Variants in ADGRB3 observed in about 807,000 individuals in gnomAD.
The protein encoded by ADGRB3 is brain-specific angiogenesis inhibitor 3.
In ADGRB3, 37 loss-of-function variants were observed where a neutral mutation model predicts 193.4. The observed-to-expected ratio is 0.19, with a 90% CI of 0.15 to 0.25. The LOEUF (loss-of-function observed/expected upper bound fraction) is 0.25, where lower values mean the gene tolerates loss of function less well. Among genes scored for constraint, ADGRB3 ranks in the 10% least tolerant of loss-of-function variants. The pLI is 1.00. For missense variants in ADGRB3, 1,637 were observed against 1,852.9 expected (o/e 0.88, Z 2.14); for synonymous variants, 690 against 644.2 (o/e 1.07, Z -1.08).
At chr6:69,137,834 A>T (rs756033163) in intron 17 of ADGRB3, among the ~76,000 whole-genome samples, 1 of 152,178 alleles carries the variant, frequency 6.6e-6, no homozygotes, top group Non-Finnish European at 1.5e-5. Context: ...TTAAAGGTGT[A>T]CGATGCCTAA....
chr6:68,751,284 A>ATT (rs1422258998), intron 3 of ADGRB3, among the ~76,000 whole-genome samples: 1 of 152,106 alleles, frequency 6.6e-6, no homozygotes, highest in Non-Finnish European at 1.5e-5. Context: ...TCATGGGCCA[A>ATT]TTTATCCCTC....
In ADGRB3 at chr6:69,181,694, G is replaced by C. The variant is rs1436991814; in HGVS notation, c.2481-51596G>C. ...ATGTTGTCTTCTTAAGCTTTGCTTC[G>C]TCAATGATTACTATCTGCAAAAACA... On this transcript the variant is annotated intron_variant, in intron 17 of 31. Transcript: ENST00000370598. 2.0e-5 allele frequency among the ~76,000 whole-genome samples: 3 copies of C among 152,034 alleles called. 1 individual carries two copies. The South Asian group carries it at 6.2e-4, about 32-fold the overall frequency.
chr6:68,956,751 G>A lies in ADGRB3; in HGVS notation c.1467G>A (p.Gly489=). 6.2e-7 allele frequency: 1 copy of A among 1,614,064 alleles called. No individual in the cohort carries two copies. The highest frequency in any genetic ancestry group is 8.5e-7 in the Non-Finnish European group (1 of 1,179,986). ...CCTGTCAGGGTGCAGTGATAACAGG[G>A]CAGCAATGTGAAGGAACGGGCGAAG... ...IRTCQGAVIT[G]QQCEGTGEEV... The change falls in exon 8 of 32, where the codon GGG becomes GGA. Residue 489 remains glycine (G), a synonymous_variant. Transcript: ENST00000370598.
At chr6:68,740,410 T>C (rs1263096481) in intron 3 of ADGRB3, among the ~76,000 whole-genome samples, 1 of 152,158 alleles carries the variant, frequency 6.6e-6, no homozygotes, top group African/African-American at 2.4e-5. Flanking sequence ...AAAGAAAATG[T>C]GATAAATAGG....
At chr6:69,063,597 G>T (rs1219564552) in intron 16 of ADGRB3, among the ~76,000 whole-genome samples, 4 of 152,012 alleles carry the variant, frequency 2.6e-5, no homozygotes, top group African/African-American at 7.2e-5. Context: ...GAGGAAGGGG[G>T]TGCTGGGTGG....
intron 3 of ADGRB3, among the ~76,000 whole-genome samples, chr6:68,871,531 T>C (rs963591277): frequency 3.3e-5 from 5 of 152,144 alleles, no homozygotes; most frequent in African/African-American, 9.7e-5. Flanking sequence ...ATTTATAGCA[T>C]GTTTTTCTTG....
chr6:68,738,617 G>T (rs1582161107), intron 3 of ADGRB3, among the ~76,000 whole-genome samples: 1 of 152,104 alleles, frequency 6.6e-6, no homozygotes, highest in East Asian at 1.9e-4. Flanking sequence ...ATTTCCTAAA[G>T]TATAAAATAT....
intron 3 of ADGRB3, among the ~76,000 whole-genome samples, chr6:68,855,240 C>T (rs571556615): frequency 6.6e-6 from 1 of 152,256 alleles, no homozygotes; most frequent in Admixed American, 6.5e-5. Flanking sequence ...TTTCCCAGGC[C>T]TTTTAAAGAC....
intron 26 of ADGRB3, among the ~76,000 whole-genome samples, chr6:69,347,361 A>G (rs1769121179): frequency 6.6e-6 from 1 of 152,222 alleles, no homozygotes; most frequent in African/African-American, 2.4e-5. Context: ...TATAATAATA[A>G]TAAATAAAAG....
intron 17 of ADGRB3, among the ~76,000 whole-genome samples, chr6:69,205,513 C>T (rs1292248816): frequency 6.6e-6 from 1 of 151,928 alleles, no homozygotes; most frequent in Non-Finnish European, 1.5e-5. Flanking sequence ...CATCAGAATA[C>T]CACAGACTGG....
chr6:69,021,135 A>T (rs932616970), intron 13 of ADGRB3, among the ~76,000 whole-genome samples: 1 of 151,892 alleles, frequency 6.6e-6, no homozygotes, highest in East Asian at 1.9e-4. Context: ...ACAGGCATGC[A>T]CTCAGCATGT....
intron 8 of ADGRB3, among the ~76,000 whole-genome samples, chr6:68,964,809 G>T (rs1025497126): frequency 6.6e-6 from 1 of 152,146 alleles, no homozygotes; most frequent in Non-Finnish European, 1.5e-5. Context: ...TATACCATTT[G>T]CTAATAAATT....
intron 20 of ADGRB3, among the ~76,000 whole-genome samples, chr6:69,241,425 C>T (rs1766382833): frequency 6.6e-6 from 1 of 151,632 alleles, no homozygotes; most frequent in South Asian, 2.1e-4. Flanking sequence ...ACTTATGATA[C>T]ATCTTAATTT....
chr6:69,181,032 G>A (rs1201776144), intron 17 of ADGRB3, among the ~76,000 whole-genome samples: 2 of 152,062 alleles, frequency 1.3e-5, no homozygotes, highest in Admixed American at 6.6e-5. Flanking sequence ...AGCCTACTGG[G>A]TTGCTCAGAT....
At chr6:69,279,947 C>G (rs1308479535) in intron 20 of ADGRB3, among the ~76,000 whole-genome samples, 3 of 152,092 alleles carry the variant, frequency 2.0e-5, no homozygotes, top group African/African-American at 7.2e-5. Flanking sequence ...TAGAGAAAAG[C>G]CTCCTACTGC....
chr6:69,306,980 A>C (rs1433614952), intron 20 of ADGRB3, among the ~76,000 whole-genome samples: 2 of 151,304 alleles, frequency 1.3e-5, no homozygotes, highest in African/African-American at 4.9e-5. Flanking sequence ...CAATTCCTGC[A>C]ATGCCTGGTT....
At chr6:69,037,497 C>A (rs1770907629) in intron 13 of ADGRB3, among the ~76,000 whole-genome samples, 1 of 151,970 alleles carries the variant, frequency 6.6e-6, no homozygotes, top group Non-Finnish European at 1.5e-5. Context: ...ATGATTTAAA[C>A]CTAAAACTAA....
chr6:68,826,380 A>T (rs1767844470), intron 3 of ADGRB3, among the ~76,000 whole-genome samples: 1 of 152,146 alleles, frequency 6.6e-6, no homozygotes, highest in South Asian at 2.1e-4. Flanking sequence ...AACAGTAAAA[A>T]CAAATGCCCT....
At chr6:68,725,554 A>T (rs1012232596) in intron 3 of ADGRB3, among the ~76,000 whole-genome samples, 6 of 151,664 alleles carry the variant, frequency 4.0e-5, no homozygotes, top group Non-Finnish European at 8.9e-5. Context: ...GGTGAGGAAA[A>T]CAAGAACTTG....
Sources: gnomAD v4.1 joint callset for allele counts (sites outside exome capture counted in the v4.1 genomes callset) on GRCh38, gnomAD v4.1.1 for gene constraint, MANE v1.5 for transcripts, NCBI Gene and HGNC (gene_info 2026-07-23, HGNC 2026-07-21) for gene names.